SLC25A28: variants seen among roughly 807,000 people sequenced by gnomAD.
SLC25A28 encodes the protein mitoferrin-2.
In SLC25A28, 10 loss-of-function variants were observed where a neutral mutation model predicts 31.9. That is an observed-to-expected ratio of 0.31 (90% CI 0.19 to 0.53). The LOEUF (loss-of-function observed/expected upper bound fraction) is 0.53. Ranked by LOEUF, SLC25A28 falls within the 20% of genes least tolerant of loss-of-function variation. SLC25A28 has a pLI of 0.95. For missense variants in SLC25A28, 256 were observed against 490.3 expected (o/e 0.52, Z 4.51); for synonymous variants, 208 against 203.6 (o/e 1.02, Z -0.19).
upstream of SLC25A28, chr10:99,620,821 C>T (rs2034774995): frequency 1.0e-5 from 10 of 985,352 alleles, no homozygotes; most frequent in Admixed American, 6.1e-5. Flanking sequence ...CCCAGGGACT[C>T]TAGGGGCCGA....
the SLC25A28 span, among the ~76,000 whole-genome samples, chr10:99,640,088 G>A: frequency 6.6e-6 from 1 of 152,210 alleles, no homozygotes; most frequent in Non-Finnish European, 1.5e-5. Context: ...GCATTTATGA[G>A]CGGCTCACTA....
At chr10:99,623,189 G>T (rs908470253), upstream of SLC25A28, among the ~76,000 whole-genome samples, 28 of 152,282 alleles carry the variant, frequency 1.8e-4, no homozygotes, top group Non-Finnish European at 4.0e-4. Flanking sequence ...ACAACCCTAA[G>T]GTGAGAACAA....
chr10:99,656,195 T>C, the SLC25A28 span, among the ~76,000 whole-genome samples: 3 of 151,988 alleles, frequency 2.0e-5, no homozygotes, highest in African/African-American at 7.2e-5. Flanking sequence ...GGAAGTAGCA[T>C]GATGAGGTTT....
upstream of SLC25A28, chr10:99,621,265 G>A (rs2034789813): frequency 6.5e-6 from 1 of 152,810 alleles, no homozygotes; most frequent in South Asian, 2.1e-4. Context: ...CACATTCGCA[G>A]AGTAAACCCA....
At chr10:99,612,502 G>C (rs753390295) in intron 3 of SLC25A28, 41 bp downstream of exon 3, 1 of 1,604,760 alleles carries the variant, frequency 6.2e-7, no homozygotes, top group East Asian at 2.2e-5. Context: ...AAGAAATACA[G>C]GTGCAGCTGC....
chr10:99,654,161 G>A, the SLC25A28 span, among the ~76,000 whole-genome samples: 1 of 152,156 alleles, frequency 6.6e-6, no homozygotes, highest in Non-Finnish European at 1.5e-5. Flanking sequence ...ATCTATTAGT[G>A]AGCTTGGAAG....
At chr10:99,631,878 A>ATTTTTTTTTTTTTTTTT in the SLC25A28 span, among the ~76,000 whole-genome samples, 4 of 92,904 alleles carry the variant, frequency 4.3e-5, 1 homozygote, top group Non-Finnish European at 4.0e-5. Flanking sequence ...TCAGTATGTT[A>ATTTTTTTTTTTTTTTTT]TTTTTTTTTT....
intron 1 of SLC25A28, chr10:99,616,726 T>C (rs2034665601): frequency 1.0e-6 from 1 of 985,424 alleles, no homozygotes. Context: ...TGGGAAGCTA[T>C]ATGGAAGGCT....
the SLC25A28 span, among the ~76,000 whole-genome samples, chr10:99,631,867 C>G: frequency 1.4e-5 from 2 of 148,142 alleles, no homozygotes; most frequent in African/African-American, 5.0e-5. Context: ...ACTGAACACG[C>G]TCAGTATGTT....
At chr10:99,620,841 C>G (rs531262245), upstream of SLC25A28, 1 of 985,370 alleles carries the variant, frequency 1.0e-6, no homozygotes, top group South Asian at 4.7e-5. Context: ...ACTTCGGGCC[C>G]CTCACTAGCG....
At chr10:99,612,955 T>C (rs1417261910) in intron 2 of SLC25A28, among the ~76,000 whole-genome samples, 2 of 152,156 alleles carry the variant, frequency 1.3e-5, no homozygotes, top group African/African-American at 4.8e-5. Context: ...TGGAGGGAGA[T>C]ACGGGGGCCA....
the SLC25A28 span, among the ~76,000 whole-genome samples, chr10:99,634,170 C>T: frequency 6.6e-6 from 1 of 152,186 alleles, no homozygotes; most frequent in Non-Finnish European, 1.5e-5. Context: ...CTAGACCTTC[C>T]CTCTGGCAGA....
chr10:99,615,388 C>CT (rs1459414031), intron 1 of SLC25A28: 1 of 965,448 alleles, frequency 1.0e-6, no homozygotes, highest in African/African-American at 1.8e-5. Flanking sequence ...TTGAACCTTC[C>CT]TCTTGGCCAA....
Position 99,611,479 on chromosome 10 carries a change from A to G in SLC25A28, c.578-113T>C. ...ATCAGCCAATGGAATAGAGAGAGAA[A>G]AAAGTATGAGTGAGCTGCTGGCTAA... On this transcript the variant is annotated intron_variant, in intron 3 of 3. Transcript: ENST00000370495. This position sits in a 1 kb window ranked among gnomAD's most constrained non-coding sequence, Gnocchi z 5.5. 7.4e-7 allele frequency: 1 copy of G among 1,353,410 alleles called. No homozygotes were observed. The highest frequency in any genetic ancestry group is 1.0e-6 in the Non-Finnish European group (1 of 993,142). 83.8% of individuals were successfully genotyped at this position (1,353,410 alleles called of 1,614,324 possible).
chr10:99,621,301 C>T (rs1425514288), upstream of SLC25A28: 1 of 152,520 alleles, frequency 6.6e-6, no homozygotes, highest in Non-Finnish European at 1.5e-5. Context: ...ATGAGGTTCC[C>T]CGGGCCCCGG....
chr10:99,617,489 A>G, intron 1 of SLC25A28: 1 of 944,344 alleles, frequency 1.1e-6, no homozygotes, highest in Non-Finnish European at 1.2e-6. Context: ...AGTCTTAAAG[A>G]CTGGGCTGCT....
chr10:99,631,250 G>C, the SLC25A28 span, among the ~76,000 whole-genome samples: 2 of 152,088 alleles, frequency 1.3e-5, no homozygotes. Context: ...TTTGCATTTT[G>C]AAAAGGTCAC....
At chr10:99,621,411 G>A (rs1229682033), upstream of SLC25A28, 1 of 152,586 alleles carries the variant, frequency 6.6e-6, no homozygotes, top group Non-Finnish European at 1.5e-5. Context: ...GGCGAGGCGG[G>A]GCTGGAGGCC....
the SLC25A28 span, among the ~76,000 whole-genome samples, chr10:99,641,515 G>C: frequency 6.6e-6 from 1 of 152,112 alleles, no homozygotes; most frequent in Non-Finnish European, 1.5e-5. Flanking sequence ...CATTCTGTAG[G>C]CTGCCTGTTC....
Sources: gnomAD v4.1 joint callset for allele counts (sites outside exome capture counted in the v4.1 genomes callset) on GRCh38, gnomAD v4.1.1 for gene constraint, Gnocchi (gnomAD v3.1) non-coding constraint, MANE v1.5 for transcripts, NCBI Gene and HGNC (gene_info 2026-07-23, HGNC 2026-07-21) for gene names.